GABBR2: variants seen among roughly 807,000 people sequenced by gnomAD.
GABBR2 encodes the protein G-protein coupled receptor 51.
Under a neutral mutation model 105.6 loss-of-function variants are expected in GABBR2, and 23 were observed. The observed-to-expected ratio is 0.22, with a 90% CI of 0.16 to 0.31. The LOEUF (loss-of-function observed/expected upper bound fraction) is 0.31, where lower values mean the gene tolerates loss of function less well. Ranked by LOEUF, GABBR2 falls within the 10% of genes least tolerant of loss-of-function variation. GABBR2 has a pLI of 1.00. For synonymous variants in GABBR2, 478 were observed against 499.7 expected (o/e 0.96, Z 0.58); for missense variants, 734 against 1,245.5 (o/e 0.59, Z 6.18).
intron 3 of GABBR2, among the ~76,000 whole-genome samples, chr9:98,509,759 A>G (rs1280799574): frequency 6.6e-6 from 1 of 152,242 alleles, no homozygotes; most frequent in Non-Finnish European, 1.5e-5. Flanking sequence ...TCCAAGAAAT[A>G]TGGGACTATG....
intron 7 of GABBR2, among the ~76,000 whole-genome samples, chr9:98,448,819 G>T (rs1826181798): frequency 1.3e-5 from 2 of 152,000 alleles, no homozygotes. Context: ...TATACTGCTG[G>T]TAACAGCCAT....
At chr9:98,507,843 C>T (rs894938299) in intron 3 of GABBR2, among the ~76,000 whole-genome samples, 11 of 152,184 alleles carry the variant, frequency 7.2e-5, no homozygotes, top group African/African-American at 2.4e-4. Flanking sequence ...AGCACAGGGG[C>T]TGCCTGAGGA....
At chr9:98,426,478 C>T (rs1226891694) in intron 7 of GABBR2, among the ~76,000 whole-genome samples, 1 of 152,194 alleles carries the variant, frequency 6.6e-6, no homozygotes, top group Admixed American at 6.5e-5. Flanking sequence ...TCACAGTGCT[C>T]AGCTCTGAGT....
At chr9:98,380,466 A>G (rs1831952455) in intron 11 of GABBR2, among the ~76,000 whole-genome samples, 1 of 152,188 alleles carries the variant, frequency 6.6e-6, no homozygotes, top group Non-Finnish European at 1.5e-5. Flanking sequence ...CTGGGCAGAC[A>G]GGGGCTGGGA....
intron 13 of GABBR2, among the ~76,000 whole-genome samples, chr9:98,352,251 G>C (rs945581000): frequency 1.3e-5 from 2 of 152,240 alleles, no homozygotes; most frequent in African/African-American, 4.8e-5. Flanking sequence ...TGTCTACTGG[G>C]TGTGCCAGTC....
In GABBR2 at chr9:98,708,916, G is replaced by A; in HGVS notation, c.-179C>T. 4.9e-6 allele frequency: 1 copy of A among 205,762 alleles called. No individual in the cohort carries two copies. Among genetic ancestry groups the A allele is most frequent in the Non-Finnish European group, 8.6e-6 (1 of 116,900 alleles). The allele number at this position is 205,762 out of a possible 1,614,324, so 12.7% of individuals were successfully genotyped here. On this transcript the variant is annotated 5_prime_UTR_variant, in exon 1 of 19. Transcript: ENST00000259455. ...CGGCCGCGGCGGCGGCGGCGGCAGC[G>A]GCGGCGCCCGTGACGGATCAATCAC...
At chr9:98,645,812 G>A (rs1315974254) in intron 1 of GABBR2, among the ~76,000 whole-genome samples, 1 of 152,216 alleles carries the variant, frequency 6.6e-6, no homozygotes, top group East Asian at 1.9e-4. Context: ...AAGCTAGTAA[G>A]TATTGCTTGG....
chr9:98,576,843 C>T lies in GABBR2; in HGVS notation c.459+1092G>A, dbSNP rs567730924. Among the ~76,000 whole-genome samples, 3 of 152,272 alleles carry T rather than the reference C, an allele frequency of 2.0e-5. No homozygotes were observed. In the East Asian group the frequency reaches 5.8e-4, roughly 29 times the overall value. ...TGTGAACCATACCTATCCTGTTCAGCATTGTATCCCCAGTGTGCCTACCAA... is the reference window on the plus strand; with the variant it reads ...TGTGAACCATACCTATCCTGTTCAGTATTGTATCCCCAGTGTGCCTACCAA... On this transcript the variant is annotated intron_variant, in intron 2 of 18. Coordinates refer to ENST00000259455, the MANE Select transcript of GABBR2 (RefSeq NM_005458.8).
At chr9:98,675,044 G>C (rs889456506) in intron 1 of GABBR2, among the ~76,000 whole-genome samples, 1 of 152,196 alleles carries the variant, frequency 6.6e-6, no homozygotes, top group African/African-American at 2.4e-5. Context: ...TTCACAGGAA[G>C]CATGTGTCTT....
chr9:98,347,568 T>G (rs1831322513), intron 13 of GABBR2, among the ~76,000 whole-genome samples: 1 of 152,212 alleles, frequency 6.6e-6, no homozygotes, highest in Non-Finnish European at 1.5e-5. Flanking sequence ...CAGAGGTCTT[T>G]TCGTTTCATA....
chr9:98,482,297 T>C (rs1201528576), intron 4 of GABBR2, among the ~76,000 whole-genome samples: 1 of 152,212 alleles, frequency 6.6e-6, no homozygotes, highest in Non-Finnish European at 1.5e-5. Context: ...GCCTGGATTC[T>C]AAAATCATCT....
intron 1 of GABBR2, among the ~76,000 whole-genome samples, chr9:98,601,904 A>G (rs1829343153): frequency 6.6e-6 from 1 of 152,242 alleles, no homozygotes; most frequent in Non-Finnish European, 1.5e-5. Flanking sequence ...CGATTGCCAA[A>G]GTCAAGTACA....
chr9:98,585,488 G>T lies in GABBR2; in HGVS notation c.322-7416C>A, dbSNP rs1472909092. On this transcript the variant is annotated intron_variant, in intron 1 of 18. Coordinates refer to ENST00000259455, the MANE Select transcript of GABBR2 (RefSeq NM_005458.8). ...GGGGAACATCACACACCGGGGACTGGCGTAGGGTGGGGGGAGTGGGGAGGG... is the reference window on the plus strand; with the variant it reads ...GGGGAACATCACACACCGGGGACTGTCGTAGGGTGGGGGGAGTGGGGAGGG... Among the ~76,000 whole-genome samples the T allele has an allele frequency of 7.6e-3, 978 of 128,858 alleles. 11 individuals carry two copies. The highest frequency in any genetic ancestry group is 0.012 in the Non-Finnish European group (747 of 61,092). The allele number at this position is 128,858 out of a possible 152,430, so 84.5% of individuals were successfully genotyped here.
At position 98,371,540 on chromosome 9, in the gene GABBR2, G is replaced by A. The variant is rs1564035609; in HGVS notation, c.1694C>T (p.Thr565Met). 1 of 1,610,806 alleles carries A rather than the reference G, an allele frequency of 6.2e-7. No individual in the cohort carries two copies. The highest frequency in any genetic ancestry group is 8.5e-7 in the Non-Finnish European group (1 of 1,177,050). ...VRTWILTVGY[T>M]TAFGAMFAKT... ...TGCAAACATGGCCCCAAAAGCGGTC[G>A]TGTAGCCCACGGTGAGAATCCAGGT... Residue 565 changes from threonine to methionine, a missense_variant, in exon 12 of 19, where the codon ACG becomes ATG. By Grantham distance (81) the Thr-to-Met change is moderately conservative. Transcript: ENST00000259455.
chr9:98,642,966 C>T (rs1188360658), intron 1 of GABBR2, among the ~76,000 whole-genome samples: 1 of 152,194 alleles, frequency 6.6e-6, no homozygotes, highest in Non-Finnish European at 1.5e-5. Context: ...CTCCATCTAT[C>T]CACATCATAA....
rs1180258314 is a variant in GABBR2 at position 98,289,121 on chromosome 9, T to C, written c.*1463A>G. 6.5e-6 allele frequency: 1 copy of C among 152,760 alleles called. No homozygotes were observed. The highest frequency in any genetic ancestry group is 2.4e-5 in the African/African-American group (1 of 41,466). The allele number at this position is 152,760 out of a possible 1,614,324, so 9.5% of individuals were successfully genotyped here. A position where few individuals can be genotyped will look rare whatever the true frequency, so the allele number is the denominator to read the frequency against. On this transcript the variant is annotated 3_prime_UTR_variant, in exon 19 of 19. Coordinates refer to ENST00000259455, the MANE Select transcript of GABBR2 (RefSeq NM_005458.8). ...TAGAGGGCTGTGCTGGAAGCTTCTC[T>C]GGGCCACACCCCCGGCTGTAGGGAG...
chr9:98,331,256 T>C (rs1831019882), intron 13 of GABBR2, among the ~76,000 whole-genome samples: 1 of 152,198 alleles, frequency 6.6e-6, no homozygotes, highest in South Asian at 2.1e-4. Flanking sequence ...CTTGTGTGTA[T>C]ACCTAGGAGT....
At position 98,454,121 on chromosome 9, in the gene GABBR2, C is replaced by T. The variant is rs1342775753; in HGVS notation, c.1096G>A (p.Ala366Thr). Reference protein sequence around the residue: ...GYAYDGIWVIAKTLQRAMETL... With the variant: ...GYAYDGIWVITKTLQRAMETL... ...TCCATGGCCCTCTGCAGTGTCTTGG[C>T]GATGACCCAGATGCCATCGTAGGCG... Residue 366 changes from alanine (A) to threonine (T), a missense_variant, in exon 7 of 19, where the codon GCC becomes ACC. Around this residue, in one of 7 missense-constraint regions of GABBR2, gnomAD observed 370 missense variants for 648.9 expected, o/e 0.57. Transcript: ENST00000259455. The surrounding 1 kb of genome is among the most constrained non-coding windows in gnomAD (Gnocchi z 4.6). 15 of 1,614,078 alleles carry T rather than the reference C, an allele frequency of 9.3e-6. No individual in the cohort carries two copies. In the Middle Eastern group the frequency reaches 4.9e-4, roughly 53 times the overall value.
chr9:98,708,262 C>A (rs1358584835), intron 1 of GABBR2, among the ~76,000 whole-genome samples, 155 bp downstream of exon 1: 2 of 152,154 alleles, frequency 1.3e-5, no homozygotes, highest in Admixed American at 1.3e-4. Flanking sequence ...CCAGCAGGAC[C>A]GCGGGGGTGA....
Sources: allele counts gnomAD v4.1 joint callset (sites outside exome capture counted in the v4.1 genomes callset), GRCh38; gene constraint gnomAD v4.1.1; regional missense constraint gnomAD v4.1.1; non-coding constraint Gnocchi (gnomAD v3.1); transcripts MANE v1.5; gene names NCBI Gene and HGNC (gene_info 2026-07-23, HGNC 2026-07-21).